Variants in ABHD17B observed in about 807,000 individuals in gnomAD.
The protein encoded by ABHD17B is abhydrolase domain containing 17B, depalmitoylase.
Under a neutral mutation model 26.2 loss-of-function variants are expected in ABHD17B, and 9 were observed. The observed-to-expected ratio is 0.34, with a 90% CI of 0.21 to 0.60. ABHD17B has a LOEUF of 0.60. Among genes scored for constraint, ABHD17B ranks in the 20% least tolerant of loss-of-function variants. ABHD17B has a pLI of 0.80. For synonymous variants in ABHD17B, 127 were observed against 122.3 expected (o/e 1.04, Z -0.25); for missense variants, 224 against 352.1 (o/e 0.64, Z 2.91).
At chr9:71,883,116 C>G (rs997102268) in intron 1 of ABHD17B, among the ~76,000 whole-genome samples, 55 of 152,264 alleles carry the variant, frequency 3.6e-4, no homozygotes, top group African/African-American at 1.2e-3. Context: ...GCACTCCAGC[C>G]TGGGCGACAG....
At chr9:71,881,125 A>C (rs1370269533) in intron 1 of ABHD17B, among the ~76,000 whole-genome samples, 1 of 152,192 alleles carries the variant, frequency 6.6e-6, no homozygotes, top group Non-Finnish European at 1.5e-5. Flanking sequence ...ATCAAGACAG[A>C]ATGCTATTGG....
chr9:71,869,041 G>A (rs761763527), intron 3 of ABHD17B, among the ~76,000 whole-genome samples: 4 of 152,080 alleles, frequency 2.6e-5, no homozygotes, highest in African/African-American at 7.2e-5. Flanking sequence ...AATGAAAGAG[G>A]GAGCTAGATG....
At chr9:71,888,937 A>G (rs1826692453) in intron 1 of ABHD17B, among the ~76,000 whole-genome samples, 1 of 152,096 alleles carries the variant, frequency 6.6e-6, no homozygotes, top group Non-Finnish European at 1.5e-5. Context: ...ATGCAAATAA[A>G]TATTAGTCAA....
chr9:71,876,555 G>T (rs1381684477), intron 1 of ABHD17B, among the ~76,000 whole-genome samples: 1 of 151,448 alleles, frequency 6.6e-6, no homozygotes, highest in Non-Finnish European at 1.5e-5. Context: ...CCAGAGAAAA[G>T]GCATTTAAAA....
intron 1 of ABHD17B, among the ~76,000 whole-genome samples, chr9:71,899,538 C>T (rs1827070507): frequency 6.6e-6 from 1 of 152,110 alleles, no homozygotes; most frequent in African/African-American, 2.4e-5. Flanking sequence ...ATCCCACGGA[C>T]CCTGTTATTA....
intron 2 of ABHD17B, 89 bp downstream of exon 2, chr9:71,874,525 T>A: frequency 1.9e-6 from 2 of 1,046,328 alleles, no homozygotes; most frequent in Non-Finnish European, 2.7e-6. Flanking sequence ...CAGTTATGTA[T>A]AATAAAAACA....
chr9:71,900,094 G>A (rs1286298994), intron 1 of ABHD17B, among the ~76,000 whole-genome samples: 3 of 152,072 alleles, frequency 2.0e-5, no homozygotes, highest in South Asian at 2.1e-4. Context: ...TTGTAAATAA[G>A]AACAAATGCA....
chr9:71,885,979 C>T (rs1826596458), intron 1 of ABHD17B, among the ~76,000 whole-genome samples: 1 of 152,110 alleles, frequency 6.6e-6, no homozygotes, highest in South Asian at 2.1e-4. Flanking sequence ...TTATATCTTT[C>T]TTCATTTTGT....
Position 71,866,090 on chromosome 9 carries a change from T to G in ABHD17B, c.*697A>C. 1.0e-6 allele frequency: 1 copy of G among 985,558 alleles called. No homozygotes were observed. 61.1% of individuals were successfully genotyped at this position (985,558 alleles called of 1,614,324 possible). On this transcript the variant is annotated 3_prime_UTR_variant, in exon 4 of 4. Coordinates refer to ENST00000333421, the MANE Select transcript of ABHD17B (RefSeq NM_001025780.3). ...AAAATTTTAAGTACTTGCCTCACAG[T>G]ACCAAACTTAGAAGTCAAAACTAGT... is the stretch of plus-strand genomic sequence containing the variant.
chr9:71,881,646 G>A (rs1028372658), intron 1 of ABHD17B, among the ~76,000 whole-genome samples: 3 of 152,172 alleles, frequency 2.0e-5, no homozygotes, highest in Admixed American at 6.5e-5. Context: ...CCAGCACTTC[G>A]GAAGGCCGAG....
rs146507139 is a variant in ABHD17B at position 71,906,022 on chromosome 9, C to A, written c.-4+4612G>T. On this transcript the variant is annotated intron_variant, in intron 1 of 3. Coordinates refer to ENST00000333421, the MANE Select transcript of ABHD17B (RefSeq NM_001025780.3). ...AGTGATCATGCTACTACACTCCAGCCTGGGCAACAGAGTGAGAATCTGTCT... is the reference window on the plus strand; with the variant it reads ...AGTGATCATGCTACTACACTCCAGCATGGGCAACAGAGTGAGAATCTGTCT... Among the ~76,000 whole-genome samples the A allele has an allele frequency of 1.4e-3, 208 of 152,164 alleles. 1 individual carries two copies. Among genetic ancestry groups the A allele is most frequent in the African/African-American group, 4.9e-3 (202 of 41,484 alleles).
At chr9:71,870,041 C>T in intron 3 of ABHD17B, 42 bp downstream of exon 3, 2 of 1,539,678 alleles carry the variant, frequency 1.3e-6, no homozygotes, top group Non-Finnish European at 1.8e-6. Context: ...AAAAAATTCC[C>T]AAGTTTCTTG....
intron 3 of ABHD17B, among the ~76,000 whole-genome samples, chr9:71,869,042 G>A (rs1006067569): frequency 2.6e-5 from 4 of 152,074 alleles, no homozygotes; most frequent in Non-Finnish European, 4.4e-5. Flanking sequence ...ATGAAAGAGG[G>A]AGCTAGATGG....
chr9:71,864,817 A>C (rs1427999386), downstream of ABHD17B, among the ~76,000 whole-genome samples: 1 of 152,186 alleles, frequency 6.6e-6, no homozygotes, highest in Non-Finnish European at 1.5e-5. Flanking sequence ...GAAATCTATG[A>C]GGACACAGTC....
chr9:71,873,603 G>A (rs1826174218), intron 2 of ABHD17B, among the ~76,000 whole-genome samples: 1 of 152,004 alleles, frequency 6.6e-6, no homozygotes. Context: ...TCACCATCTT[G>A]GCCAGGCTGG....
intron 1 of ABHD17B, among the ~76,000 whole-genome samples, chr9:71,878,207 A>T (rs1826336390): frequency 6.6e-6 from 1 of 152,198 alleles, no homozygotes; most frequent in Non-Finnish European, 1.5e-5. Flanking sequence ...GTTCTTATAA[A>T]ACTCATGCCA....
chr9:71,878,221 G>A lies in ABHD17B; in HGVS notation c.-3-3138C>T, dbSNP rs901685635. ...TGTTCTTATAAAACTCATGCCAGAC[G>A]CAGTGGATTGCTTGAGCAGTTAACA... is the stretch of plus-strand genomic sequence containing the variant. On this transcript the variant is annotated intron_variant, in intron 1 of 3. Transcript: ENST00000333421. Among the ~76,000 whole-genome samples the A allele has an allele frequency of 4.6e-5, 7 of 151,950 alleles. 1 individual carries two copies. The highest frequency in any genetic ancestry group is 4.2e-4 in the South Asian group (2 of 4,808).
chr9:71,880,537 T>C (rs1826409159), intron 1 of ABHD17B, among the ~76,000 whole-genome samples: 1 of 152,090 alleles, frequency 6.6e-6, no homozygotes, highest in Non-Finnish European at 1.5e-5. Context: ...TGGTAGATGA[T>C]ATAATTACCC....
At chr9:71,868,286 T>C (rs1325216626) in intron 3 of ABHD17B, among the ~76,000 whole-genome samples, 1 of 152,102 alleles carries the variant, frequency 6.6e-6, no homozygotes, top group East Asian at 1.9e-4. Flanking sequence ...ATCAGCCCTT[T>C]AGTTGATCTG....
Sources: gnomAD v4.1 joint callset for allele counts (sites outside exome capture counted in the v4.1 genomes callset) on GRCh38, gnomAD v4.1.1 for gene constraint, MANE v1.5 for transcripts, NCBI Gene and HGNC (gene_info 2026-07-23, HGNC 2026-07-21) for gene names.